SRCAP: variants seen among roughly 807,000 people sequenced by gnomAD.
The protein encoded by SRCAP is chromatin remodeling protein SRCAP.
In SRCAP, 46 loss-of-function variants were observed where a neutral mutation model predicts 263.1. That is an observed-to-expected ratio of 0.17 (90% CI 0.14 to 0.22). The LOEUF (loss-of-function observed/expected upper bound fraction) is 0.22, where lower values mean the gene tolerates loss of function less well. SRCAP is among the 10% of genes least tolerant of loss of function. The probability of loss-of-function intolerance (pLI) is 1.00; values close to 1 mark genes in which losing one functional copy is unlikely to be tolerated. For synonymous variants in SRCAP, 1,813 were observed against 1,662.1 expected, an observed-to-expected ratio of 1.09 and a Z score of -2.21; for missense variants, 3,695 against 4,181.9, an observed-to-expected ratio of 0.88 and a Z score of 3.21.
At chr16:30,714,908 C>T (rs2052931372) in intron 16 of SRCAP, among the ~76,000 whole-genome samples, 1 of 152,112 alleles carries the variant, frequency 6.6e-6, no homozygotes. Context: ...TCTTCAACTT[C>T]ATATTGTTGG....
Position 30,724,440 on chromosome 16 carries a change from C to A in SRCAP, c.5016C>A (p.Leu1672=). The A allele has an allele frequency of 1.9e-6, 3 of 1,614,248 alleles. No homozygotes were observed. In the South Asian group the frequency reaches 3.3e-5, roughly 18 times the overall value. Residue 1672 remains leucine, a synonymous_variant, in exon 25 of 34, where the codon CTC becomes CTA. Coordinates refer to ENST00000262518, the MANE Select transcript of SRCAP (RefSeq NM_006662.3). The part of the protein sequence containing the change: ...TMLPAPVPSP[L]PSPASTQTLA... ...TACCAGCCCCGGTTCCGTCACCTCT[C>A]CCGAGCCCGGCTTCTACGCAGACAC...
In SRCAP at chr16:30,724,940, C is replaced by A. The variant is rs761470627; in HGVS notation, c.5516C>A (p.Ser1839Tyr). ...GAAPLPVTMVSRLPVSKDEPD... is the reference protein window; with the variant it reads ...GAAPLPVTMVYRLPVSKDEPD... ...GCTCCCTTGCCTGTCACCATGGTAT[C>A]CCGGCTGCCTGTTTCCAAGGATGAG... The change falls in exon 25 of 34, where the codon TCC becomes TAC. Residue 1839 changes from serine (S) to tyrosine (Y), a missense_variant. Coordinates refer to ENST00000262518, the MANE Select transcript of SRCAP (RefSeq NM_006662.3). 1.4e-5 allele frequency: 23 copies of A among 1,614,100 alleles called. No homozygotes were observed. Among genetic ancestry groups the A allele is most frequent in the Non-Finnish European group, 1.9e-5 (23 of 1,180,056 alleles).
rs1269521471 is a variant in SRCAP, at chr16:30,729,480, C to T, written c.6035C>T (p.Ser2012Phe). 4 of 1,614,210 alleles carry T rather than the reference C, an allele frequency of 2.5e-6. No individual in the cohort carries two copies. The highest frequency in any genetic ancestry group is 2.2e-5 in the South Asian group (2 of 91,082). ...RQAAFQEQLA[S>F]ELWPRARPLH... ...GCAGCCTTCCAGGAGCAATTGGCCT[C>T]TGAGCTCTGGCCCCGGGCTCGTCCT... Residue 2012 changes from serine (S) to phenylalanine (F), a missense_variant, in exon 27 of 34, where the codon TCT becomes TTT. By Grantham distance (155) the Ser-to-Phe change is radical. Transcript: ENST00000262518.
rs777780785 is a variant in SRCAP at position 30,704,272 on chromosome 16, A to C, written c.263A>C (p.Lys88Thr). The C allele has an allele frequency of 6.2e-7, 1 of 1,613,532 alleles. No individual in the cohort carries two copies. The highest frequency in any genetic ancestry group is 1.1e-5 in the South Asian group (1 of 91,052). Residue 88 changes from lysine (K) to threonine (T), a missense_variant, in exon 4 of 34, where the codon AAG becomes ACG. Physicochemically the swap from Lys to Thr is moderately conservative, Grantham distance 78 (BLOSUM62 -1). This residue lies in a region of SRCAP where 122 missense variants were observed against 116.9 expected (regional missense o/e 1.04). Transcript: ENST00000262518. ...QAADLANKGP[K>T]WEKSHAEIAE... ...GCTGACCTGGCTAACAAGGGCCCGA[A>C]GTGGGAGAAGAGCCATGCCGAAATT...
At position 30,724,645 on chromosome 16, in the gene SRCAP, G is replaced by T; in HGVS notation, c.5221G>T (p.Gly1741Cys). 6.2e-7 allele frequency: 1 copy of T among 1,614,008 alleles called. No individual in the cohort carries two copies. The highest frequency in any genetic ancestry group is 8.5e-7 in the Non-Finnish European group (1 of 1,180,014). ...GTCTTTGGCACCAGGACCACCACTG[G>T]GTCCAACTCAGACGCTGTCTCTGGC... The part of the protein sequence containing the change: ...TLSLAPGPPL[G>C]PTQTLSLAPA... The change falls in exon 25 of 34, where the codon GGT becomes TGT. Residue 1741 changes from glycine to cysteine, a missense_variant. By Grantham distance (159) the Gly-to-Cys change is radical (BLOSUM62 -3). Transcript: ENST00000262518.
chr16:30,737,937 C>G lies in SRCAP; in HGVS notation c.7897C>G (p.Leu2633Val), dbSNP rs2053177061. The G allele has an allele frequency of 6.2e-7, 1 of 1,614,180 alleles. No individual in the cohort carries two copies. Among genetic ancestry groups the G allele is most frequent in the South Asian group, 1.1e-5 (1 of 91,082 alleles). The change falls in exon 34 of 34, where the codon CTT becomes GTT. Residue 2633 changes from leucine (L) to valine (V), a missense_variant. This residue lies in a region of SRCAP where 1,207 missense variants were observed against 1,142.9 expected (regional missense o/e 1.06). Coordinates refer to ENST00000262518, the MANE Select transcript of SRCAP (RefSeq NM_006662.3). ...EAPDSAEGTT[L>V]TVLPEGEELP... The stretch of plus-strand genomic sequence containing the variant: ...ACCAGATTCTGCTGAGGGGACCACC[C>G]TTACAGTGCTGCCTGAAGGTGAGGA...
chr16:30,708,981 G>A (rs2052857709), intron 6 of SRCAP, among the ~76,000 whole-genome samples: 1 of 152,034 alleles, frequency 6.6e-6, no homozygotes, highest in South Asian at 2.1e-4. Flanking sequence ...ACCACGCCTG[G>A]CTAATTTTTT....
At position 30,735,826 on chromosome 16, in the gene SRCAP, G is replaced by A. The variant is rs370283561; in HGVS notation, c.6730-374G>A. 6.3e-4 allele frequency among the ~76,000 whole-genome samples: 96 copies of A among 151,806 alleles called. 2 individuals carry two copies. The East Asian group carries it at 0.014, about 22-fold the overall frequency. On this transcript the variant is annotated intron_variant, in intron 31 of 33. Coordinates refer to ENST00000262518, the MANE Select transcript of SRCAP (RefSeq NM_006662.3). Reference sequence around the variant, plus strand: ...GAACTCCTGACCTCATGATCTGCCCGCCTTGGCCTCCCAAAGTGCTGCAAT... The same window carrying A: ...GAACTCCTGACCTCATGATCTGCCCACCTTGGCCTCCCAAAGTGCTGCAAT...
Position 30,728,759 on chromosome 16 carries a change from A to G in SRCAP, c.5659-207A>G, listed in dbSNP as rs377195351. Among the ~76,000 whole-genome samples the G allele has an allele frequency of 5.3e-5, 8 of 152,346 alleles. No individual in the cohort carries two copies. In the South Asian group the frequency reaches 1.7e-3, roughly 32 times the overall value. ...TACTTAACATAACTTCTGAGAAAGA[A>G]TAGTTATTTAACATAAAAAAGAAAG... On this transcript the variant is annotated intron_variant, in intron 25 of 33. Transcript: ENST00000262518.
chr16:30,726,653 G>C (rs945418696), intron 25 of SRCAP, among the ~76,000 whole-genome samples: 1 of 151,644 alleles, frequency 6.6e-6, no homozygotes, highest in African/African-American at 2.4e-5. Flanking sequence ...TCGTAGCTGG[G>C]ATTACAGGCA....
chr16:30,735,673 C>G (rs1366032814), intron 31 of SRCAP, among the ~76,000 whole-genome samples: 1 of 149,720 alleles, frequency 6.7e-6, no homozygotes, highest in African/African-American at 2.5e-5. Flanking sequence ...CTCCACCTCC[C>G]GGGTTCAAGT....
chr16:30,706,181 G>A (rs1376089416), intron 4 of SRCAP, among the ~76,000 whole-genome samples: 1 of 152,202 alleles, frequency 6.6e-6, no homozygotes, highest in East Asian at 1.9e-4. Context: ...GACAGAGGCT[G>A]GGTGCGGTGG....
intron 18 of SRCAP, among the ~76,000 whole-genome samples, chr16:30,717,476 T>C: frequency 6.6e-6 from 1 of 151,942 alleles, no homozygotes; most frequent in East Asian, 1.9e-4. Flanking sequence ...AGACAAGGTC[T>C]ATCTCTGTCA....
Position 30,720,925 on chromosome 16 carries a change from C to G in SRCAP, c.3200C>G (p.Pro1067Arg), listed in dbSNP as rs1367095618. Residue 1067 changes from proline (P) to arginine (R), a missense_variant, in exon 20 of 34, where the codon CCT (proline) becomes CGT (arginine). By Grantham distance (103) the Pro-to-Arg change is moderately radical. Transcript: ENST00000262518. ...CCGCTTATTCCTGCATCTCGGCCTCCTGGCCCTGTCCTCTTGCCTCCACTG... is the reference window on the plus strand; with the variant it reads ...CCGCTTATTCCTGCATCTCGGCCTCGTGGCCCTGTCCTCTTGCCTCCACTG... The part of the protein sequence containing the change: ...GPPLIPASRP[P>R]GPVLLPPLQP... 6.2e-7 allele frequency: 1 copy of G among 1,613,798 alleles called. No individual in the cohort carries two copies. Among genetic ancestry groups the G allele is most frequent in the Non-Finnish European group, 8.5e-7 (1 of 1,179,888 alleles).
chr16:30,718,456 T>C (rs1279080581), intron 18 of SRCAP, among the ~76,000 whole-genome samples: 1 of 151,086 alleles, frequency 6.6e-6, no homozygotes, highest in Non-Finnish European at 1.5e-5. Flanking sequence ...GGATTACAGG[T>C]GTGAGCCACT....
chr16:30,710,123 T>G lies in SRCAP; in HGVS notation c.1129T>G (p.Leu377Val). The G allele has an allele frequency of 1.9e-6, 3 of 1,612,366 alleles. No individual in the cohort carries two copies. Among genetic ancestry groups the G allele is most frequent in the Non-Finnish European group, 2.5e-6 (3 of 1,179,162 alleles). Residue 377 changes from leucine (L) to valine (V), a missense_variant, in exon 8 of 34, where the codon TTG (leucine) becomes GTG (valine). Transcript: ENST00000262518. ...TGCTGAAGAAGAGCCCCCTCAGGTG[T>G]TGGAGGTATAGGCAGAAGGAGCAGA... ...EGAEEEPPQV[L>V]EIKPPPSAVT...
chr16:30,707,449 A>T (rs759713844), intron 5 of SRCAP, 81 bp downstream of exon 5: 70 of 1,602,882 alleles, frequency 4.4e-5, no homozygotes, highest in Non-Finnish European at 5.8e-5. Context: ...ACCAGACAGA[A>T]TGGTGTAGGC....
chr16:30,711,038 T>G lies in SRCAP; in HGVS notation c.1268T>G (p.Leu423Trp). 1.2e-6 allele frequency: 2 copies of G among 1,614,124 alleles called. No homozygotes were observed. Among genetic ancestry groups the G allele is most frequent in the Non-Finnish European group, 1.7e-6 (2 of 1,180,016 alleles). ...GATACTATAGCAGCTGAGGAACAGT[T>G]GGAAGGGGAGGTGGATCATGCCATG... is the stretch of plus-strand genomic sequence containing the variant. The part of the protein sequence containing the change: ...EEDTIAAEEQ[L>W]EGEVDHAMEL... Residue 423 changes from leucine to tryptophan, a missense_variant, in exon 10 of 34, where the codon TTG becomes TGG. By Grantham distance (61) the Leu-to-Trp change is moderately conservative. Coordinates refer to ENST00000262518, the MANE Select transcript of SRCAP (RefSeq NM_006662.3).
Position 30,741,175 on chromosome 16 carries a change from A to G in SRCAP, c.*1442A>G, listed in dbSNP as rs2053221107. 6.6e-6 allele frequency: 1 copy of G among 152,190 alleles called. No individual in the cohort carries two copies. The highest frequency in any genetic ancestry group is 2.4e-5 in the African/African-American group (1 of 41,396). 9.4% of individuals were successfully genotyped at this position (152,190 alleles called of 1,614,324 possible). On this transcript the variant is annotated 3_prime_UTR_variant, in exon 34 of 34. Coordinates refer to ENST00000262518, the MANE Select transcript of SRCAP (RefSeq NM_006662.3). ...AGGAAGCCCTGACTTAGGGAAGTAAAGTCTTTCTGATGTTTGGTTTTAGTG... is the reference window on the plus strand; with the variant it reads ...AGGAAGCCCTGACTTAGGGAAGTAAGGTCTTTCTGATGTTTGGTTTTAGTG...
Sources: allele counts gnomAD v4.1 joint callset (sites outside exome capture counted in the v4.1 genomes callset), GRCh38; gene constraint gnomAD v4.1.1; regional missense constraint gnomAD v4.1.1; transcripts MANE v1.5; gene names NCBI Gene and HGNC (gene_info 2026-07-23, HGNC 2026-07-21).